Variants in SKAP1 observed in about 807,000 individuals in gnomAD.
The protein encoded by SKAP1 is src kinase-associated phosphoprotein 1.
In SKAP1, 44 loss-of-function variants were observed where a neutral mutation model predicts 58.5. The ratio of observed to expected loss-of-function variants is 0.75; its 90% CI spans 0.59 to 0.97. The LOEUF is 0.97. Ranked by LOEUF, SKAP1 falls within the 50% of genes least tolerant of loss-of-function variation. SKAP1 has a pLI of 0.00. For synonymous variants in SKAP1, 127 were observed against 149.7 expected, an observed-to-expected ratio of 0.85 and a Z score of 1.11; for missense variants, 390 against 435.2, an observed-to-expected ratio of 0.90 and a Z score of 0.92.
chr17:48,208,068 T>G (rs2064830323), intron 4 of SKAP1, among the ~76,000 whole-genome samples: 1 of 152,128 alleles, frequency 6.6e-6, no homozygotes, highest in African/African-American at 2.4e-5. Flanking sequence ...TAAAAAATAA[T>G]CAGAAACACA....
intron 2 of SKAP1, among the ~76,000 whole-genome samples, chr17:48,373,109 T>C (rs2067107265): frequency 6.6e-6 from 1 of 152,166 alleles, no homozygotes; most frequent in African/African-American, 2.4e-5. Context: ...TACCTGAGAC[T>C]GGGTAATTTA....
intron 1 of SKAP1, among the ~76,000 whole-genome samples, chr17:48,402,725 T>A (rs1238033851): frequency 6.6e-6 from 1 of 152,226 alleles, no homozygotes; most frequent in African/African-American, 2.4e-5. Flanking sequence ...AATGGAATAT[T>A]ATTCAGCAAT....
intron 4 of SKAP1, among the ~76,000 whole-genome samples, chr17:48,262,579 A>G (rs1053768002): frequency 3.9e-5 from 6 of 152,182 alleles, no homozygotes. Context: ...AAAATAAACA[A>G]TGTATATTGT....
chr17:48,170,714 T>C (rs1229657783), intron 9 of SKAP1, 55 bp from the exon 10 acceptor site: 4 of 1,108,866 alleles, frequency 3.6e-6, no homozygotes, highest in Admixed American at 4.9e-5. Flanking sequence ...CTCATGTTCT[T>C]TTTTTTTTTT....
intron 3 of SKAP1, among the ~76,000 whole-genome samples, chr17:48,355,527 C>T (rs895210546): frequency 6.6e-6 from 1 of 152,190 alleles, no homozygotes; most frequent in Non-Finnish European, 1.5e-5. Context: ...ATCAGCCTCC[C>T]TCGGCTTCCC....
intron 6 of SKAP1, 115 bp downstream of exon 6, chr17:48,187,728 T>C: frequency 1.5e-6 from 1 of 657,934 alleles, no homozygotes; most frequent in South Asian, 2.0e-5. Flanking sequence ...TTCCTAAGCA[T>C]GTCCCTTTAT....
intron 2 of SKAP1, among the ~76,000 whole-genome samples, chr17:48,372,544 A>T (rs193180023): frequency 2.2e-3 from 339 of 152,028 alleles, no homozygotes; most frequent in Non-Finnish European, 3.8e-3. Flanking sequence ...ACCTCAGGTG[A>T]TTTGCCTGCC....
intron 1 of SKAP1, among the ~76,000 whole-genome samples, chr17:48,421,358 C>T (rs915778250): frequency 1.4e-5 from 2 of 145,926 alleles, no homozygotes; most frequent in African/African-American, 2.6e-5. Flanking sequence ...TGGAGTGCAA[C>T]GGCACGAGGC....
At chr17:48,184,275 T>C (rs2064413787) in intron 7 of SKAP1, among the ~76,000 whole-genome samples, 1 of 151,192 alleles carries the variant, frequency 6.6e-6, no homozygotes, top group Non-Finnish European at 1.5e-5. Flanking sequence ...CACAGGAAGA[T>C]TATTTTGGAT....
chr17:48,347,632 T>C (rs2066739814), intron 3 of SKAP1, among the ~76,000 whole-genome samples: 1 of 152,148 alleles, frequency 6.6e-6, no homozygotes, highest in Non-Finnish European at 1.5e-5. Flanking sequence ...ACTCACACAA[T>C]AGTCATTGGC....
rs143970088 is a variant in SKAP1 at position 48,338,428 on chromosome 17, A to G, written c.280+7477T>C. Among the ~76,000 whole-genome samples the G allele has an allele frequency of 4.4e-3, 676 of 152,316 alleles. 5 individuals are homozygous for G. Among genetic ancestry groups the G allele is most frequent in the African/African-American group, 0.016 (657 of 41,570 alleles). On this transcript the variant is annotated intron_variant, in intron 4 of 12. Coordinates refer to ENST00000336915, the MANE Select transcript of SKAP1 (RefSeq NM_003726.4). ...TGGCCTCTCAAAGTTCTGGGATTAC[A>G]GGCATGAGTCACCGCGCCTGACCAC...
intron 1 of SKAP1, among the ~76,000 whole-genome samples, chr17:48,401,236 G>A (rs1034194188): frequency 2.6e-5 from 4 of 151,890 alleles, no homozygotes; most frequent in African/African-American, 9.7e-5. Context: ...AACCTGGGAG[G>A]CCGAGGTTGC....
upstream of SKAP1, among the ~76,000 whole-genome samples, chr17:48,432,111 C>T (rs2067922770): frequency 6.6e-6 from 1 of 152,204 alleles, no homozygotes; most frequent in South Asian, 2.1e-4. Flanking sequence ...GGCTCCTGCT[C>T]ATCCTCCTTC....
intron 1 of SKAP1, among the ~76,000 whole-genome samples, chr17:48,398,540 C>T (rs55687664): frequency 5.8e-4 from 88 of 152,284 alleles, no homozygotes; most frequent in African/African-American, 1.5e-3. Context: ...CCCCCACCCC[C>T]GGTCCATGGA....
At chr17:48,192,929 A>C (rs1341289330) in intron 4 of SKAP1, among the ~76,000 whole-genome samples, 1 of 152,206 alleles carries the variant, frequency 6.6e-6, no homozygotes, top group Non-Finnish European at 1.5e-5. Flanking sequence ...GGAGCTGCTG[A>C]ATTTTTTCTC....
chr17:48,438,523 T>G, the SKAP1 span, among the ~76,000 whole-genome samples: 1 of 152,172 alleles, frequency 6.6e-6, no homozygotes, highest in African/African-American at 2.4e-5. Flanking sequence ...AAGAGATGAA[T>G]AGAGTGTGGC....
chr17:48,340,430 G>GAAAA (rs2066636044), intron 4 of SKAP1, among the ~76,000 whole-genome samples: 1 of 151,958 alleles, frequency 6.6e-6, no homozygotes, highest in African/African-American at 2.4e-5. Flanking sequence ...TCTCAGGAGA[G>GAAAA]AAAAGAAAAT....
intron 2 of SKAP1, among the ~76,000 whole-genome samples, chr17:48,372,133 A>G (rs1382867077): frequency 2.0e-5 from 3 of 151,116 alleles, no homozygotes; most frequent in Non-Finnish European, 3.0e-5. Context: ...CACCATACCC[A>G]GTTAATTTTT....
In SKAP1 at chr17:48,366,633, C is replaced by A. The variant is rs745507554; in HGVS notation, c.153-2819G>T. Among the ~76,000 whole-genome samples, 14 of 152,220 alleles carry A rather than the reference C, an allele frequency of 9.2e-5. 1 individual carries two copies. The highest frequency in any genetic ancestry group is 2.1e-4 in the South Asian group (1 of 4,818). On this transcript the variant is annotated intron_variant, in intron 2 of 12. Transcript: ENST00000336915. ...AATCTCCACCTAGCAGACAGTGCAC[C>A]TGTACCTGGCCACCACGAAGAATTT...
Sources: gnomAD v4.1 joint callset for allele counts (sites outside exome capture counted in the v4.1 genomes callset) on GRCh38, gnomAD v4.1.1 for gene constraint, MANE v1.5 for transcripts, NCBI Gene and HGNC (gene_info 2026-07-23, HGNC 2026-07-21) for gene names.